Variants in SUCLG2 observed in about 807,000 individuals in gnomAD.
SUCLG2 encodes the protein succinate-CoA ligase GDP-forming subunit beta, also known as succinate--CoA ligase [GDP-forming] subunit beta, mitochondrial.
Under a neutral mutation model 47.9 loss-of-function variants are expected in SUCLG2, and 42 were observed. The ratio of observed to expected loss-of-function variants is 0.88; its 90% CI spans 0.69 to 1.14. The LOEUF (loss-of-function observed/expected upper bound fraction) is 1.14, where lower values mean the gene tolerates loss of function less well. Among genes scored for constraint, SUCLG2 ranks in the 50% most tolerant of loss-of-function variants. SUCLG2 has a pLI of 0.00. For missense variants in SUCLG2, 571 were observed against 525.9 expected (o/e 1.09, Z -0.84); for synonymous variants, 195 against 197.3 (o/e 0.99, Z 0.10).
At position 67,515,581 on chromosome 3, in the gene SUCLG2, G is replaced by A. The variant is rs139209554; in HGVS notation, c.660+2666C>T. On this transcript the variant is annotated intron_variant, in intron 6 of 10. Transcript: ENST00000307227. ...TTATATGATATTCAACCATGAGTGAGGTACCTCCAAATGCCTAAACCACAT... is the reference window on the plus strand; with the variant it reads ...TTATATGATATTCAACCATGAGTGAAGTACCTCCAAATGCCTAAACCACAT... 1.7e-4 allele frequency among the ~76,000 whole-genome samples: 26 copies of A among 151,968 alleles called. No homozygotes were observed. In the East Asian group the frequency reaches 4.8e-3, roughly 28 times the overall value.
intron 1 of SUCLG2, among the ~76,000 whole-genome samples, chr3:67,627,900 T>C (rs1700862259): frequency 6.6e-6 from 1 of 152,190 alleles, no homozygotes; most frequent in African/African-American, 2.4e-5. Context: ...TCCCAAGTTC[T>C]TAGAGAGCTT....
intron 10 of SUCLG2, among the ~76,000 whole-genome samples, chr3:67,390,044 T>C (rs1702346136): frequency 6.6e-6 from 1 of 152,220 alleles, no homozygotes; most frequent in Non-Finnish European, 1.5e-5. Context: ...TGGTACATAA[T>C]TTTTATTGCT....
intron 9 of SUCLG2, among the ~76,000 whole-genome samples, chr3:67,479,623 GGAAA>G (rs1285691680): frequency 6.6e-6 from 1 of 152,144 alleles, no homozygotes; most frequent in Middle Eastern, 3.2e-3. Context: ...ATCAAGAGGC[GGAAA>G]GAAAGCGCTA....
At chr3:67,370,784 C>T (rs1467802555), downstream of SUCLG2, among the ~76,000 whole-genome samples, 1 of 152,210 alleles carries the variant, frequency 6.6e-6, no homozygotes, top group Admixed American at 6.5e-5. Context: ...TATTTTCTGA[C>T]TGTAGCTGAC....
intron 1 of SUCLG2, among the ~76,000 whole-genome samples, chr3:67,644,541 G>A (rs541813861): frequency 1.3e-5 from 2 of 152,148 alleles, no homozygotes; most frequent in East Asian, 3.9e-4. Context: ...GGATGAATAA[G>A]TTCAGGAAAT....
intron 9 of SUCLG2, among the ~76,000 whole-genome samples, chr3:67,460,483 G>A (rs1480448001): frequency 6.6e-6 from 1 of 152,134 alleles, no homozygotes; most frequent in African/African-American, 2.4e-5. Context: ...GGACTTCAGA[G>A]ATGGGAAGTG....
intron 2 of SUCLG2, among the ~76,000 whole-genome samples, chr3:67,588,617 C>T (rs1708082976): frequency 6.6e-6 from 1 of 152,106 alleles, no homozygotes; most frequent in African/African-American, 2.4e-5. Flanking sequence ...TTATGAAATA[C>T]CCAACACCAA....
At chr3:67,633,706 A>G (rs1047592701) in intron 1 of SUCLG2, among the ~76,000 whole-genome samples, 1 of 152,114 alleles carries the variant, frequency 6.6e-6, no homozygotes, top group African/African-American at 2.4e-5. Context: ...TTTGTTAGGC[A>G]GAAACATTTT....
chr3:67,391,529 C>G (rs1702382373), intron 10 of SUCLG2, among the ~76,000 whole-genome samples: 1 of 152,114 alleles, frequency 6.6e-6, no homozygotes, highest in Non-Finnish European at 1.5e-5. Flanking sequence ...TTCTTCAAGT[C>G]TTCAGTTATG....
At chr3:67,451,375 G>T (rs1704052064) in intron 9 of SUCLG2, among the ~76,000 whole-genome samples, 1 of 152,126 alleles carries the variant, frequency 6.6e-6, no homozygotes, top group Non-Finnish European at 1.5e-5. Flanking sequence ...GAAATATTAG[G>T]TCTTCGTTTT....
At chr3:67,559,267 A>G (rs1707243929) in intron 2 of SUCLG2, among the ~76,000 whole-genome samples, 1 of 152,204 alleles carries the variant, frequency 6.6e-6, no homozygotes, top group Non-Finnish European at 1.5e-5. Flanking sequence ...AACTACCTGT[A>G]TTAGTCTGTT....
At chr3:67,516,038 C>A (rs1014866215) in intron 6 of SUCLG2, among the ~76,000 whole-genome samples, 1 of 152,052 alleles carries the variant, frequency 6.6e-6, no homozygotes, top group African/African-American at 2.4e-5. Context: ...AGATATCTAC[C>A]GGTCTGTGAG....
At chr3:67,400,904 C>A in intron 9 of SUCLG2, 53 bp from the exon 10 acceptor site, 2 of 1,603,114 alleles carry the variant, frequency 1.2e-6, no homozygotes, top group South Asian at 1.1e-5. Flanking sequence ...CCAACAGTCT[C>A]AAAAATAACT....
chr3:67,654,311 G>A (rs1051471423), intron 1 of SUCLG2, among the ~76,000 whole-genome samples, 192 bp downstream of exon 1: 7 of 152,196 alleles, frequency 4.6e-5, no homozygotes, highest in Admixed American at 4.6e-4. Flanking sequence ...GGCTGCCGCC[G>A]CGCCGCCCCT....
At chr3:67,618,206 G>C (rs6767025) in intron 1 of SUCLG2, among the ~76,000 whole-genome samples, 14,164 of 152,126 alleles carry the variant, frequency 0.093, 1,217 homozygotes, top group African/African-American at 0.23. Context: ...TAGATCACAA[G>C]GTCAAGAGAT....
intron 1 of SUCLG2, among the ~76,000 whole-genome samples, chr3:67,610,846 C>T (rs932018137): frequency 2.0e-5 from 3 of 152,208 alleles, no homozygotes; most frequent in Non-Finnish European, 4.4e-5. Context: ...CTGGTATCCC[C>T]AAGCTATGAT....
intron 1 of SUCLG2, among the ~76,000 whole-genome samples, chr3:67,632,682 G>A (rs761191298): frequency 1.1e-4 from 17 of 152,218 alleles, no homozygotes; most frequent in African/African-American, 2.9e-4. Flanking sequence ...CTGTTTCAGC[G>A]TATTGCTTTT....
At position 67,400,865 on chromosome 3, in the gene SUCLG2, T is replaced by C. The variant is rs1702668613; in HGVS notation, c.1063-14A>G. The C allele has an allele frequency of 6.2e-7, 1 of 1,611,790 alleles. No homozygotes were observed. Among genetic ancestry groups the C allele is most frequent in the Non-Finnish European group, 8.5e-7 (1 of 1,179,532 alleles). ...GATGGCTTCAACCTGAAATCAAAAATAAAAAGTTACCAATCAAAATGCTGA... is the reference window on the plus strand; with the variant it reads ...GATGGCTTCAACCTGAAATCAAAAACAAAAAGTTACCAATCAAAATGCTGA... On this transcript the variant is annotated splice_polypyrimidine_tract_variant and intron_variant, in intron 9 of 10. Coordinates refer to ENST00000307227, the MANE Select transcript of SUCLG2 (RefSeq NM_003848.4).
chr3:67,598,668 A>C (rs1019469449), intron 2 of SUCLG2, among the ~76,000 whole-genome samples: 1 of 152,204 alleles, frequency 6.6e-6, no homozygotes, highest in African/African-American at 2.4e-5. Flanking sequence ...CAACAGGTTA[A>C]ATTACAACCC....
Sources: allele counts gnomAD v4.1 joint callset (sites outside exome capture counted in the v4.1 genomes callset), GRCh38; gene constraint gnomAD v4.1.1; transcripts MANE v1.5; gene names NCBI Gene and HGNC (gene_info 2026-07-23, HGNC 2026-07-21).